The following ADGRE5 variants were observed in gnomAD, a reference collection of about 807,000 sequenced individuals.
ADGRE5 encodes the protein CD97 molecule.
ADGRE5 carries 72 observed loss-of-function variants against 100.3 expected under a neutral mutation model. That is an observed-to-expected ratio of 0.72 (90% confidence interval 0.59 to 0.87). The LOEUF (loss-of-function observed/expected upper bound fraction) is 0.87, where lower values mean the gene tolerates loss of function less well. Ranked by LOEUF, ADGRE5 falls within the 40% of genes least tolerant of loss-of-function variation. The probability of loss-of-function intolerance (pLI) is 0.00; values close to 1 mark genes in which losing one functional copy is unlikely to be tolerated. For synonymous variants in ADGRE5, 439 were observed against 447.8 expected, an observed-to-expected ratio of 0.98 and a Z score of 0.25; for missense variants, 959 against 1,094.7, an observed-to-expected ratio of 0.88 and a Z score of 1.75.
chr19:14,389,307 A>G (rs1206839788), intron 3 of ADGRE5, among the ~76,000 whole-genome samples: 1 of 556 alleles, frequency 1.8e-3, no homozygotes, highest in Non-Finnish European at 3.5e-3. Context: ...GGGAAGGGGG[A>G]AGGGGAGGGG....
At chr19:14,403,953 T>C (rs1418522392) in intron 12 of ADGRE5, among the ~76,000 whole-genome samples, 1 of 140,800 alleles carries the variant, frequency 7.1e-6, no homozygotes, top group South Asian at 2.4e-4. Context: ...CTCGGCTCAG[T>C]GCAACCTCCA....
At chr19:14,390,231 A>G (rs1975552180) in intron 3 of ADGRE5, among the ~76,000 whole-genome samples, 1 of 151,712 alleles carries the variant, frequency 6.6e-6, no homozygotes, top group Non-Finnish European at 1.5e-5. Context: ...CTTCCTGGAG[A>G]GAGAGAAGCT....
Position 14,406,267 on chromosome 19 carries a change from G to A in ADGRE5, c.1822-64G>A. 1.5e-6 allele frequency: 2 copies of A among 1,296,694 alleles called. No individual in the cohort carries two copies. Among genetic ancestry groups the A allele is most frequent in the Non-Finnish European group, 2.1e-6 (2 of 947,898 alleles). The allele number at this position is 1,296,694 out of a possible 1,614,324, so 80.3% of individuals were successfully genotyped here. ...ACTCTCGGGACCTGGCAGGCGACTG[G>A]CTCTGGCGCCGCATGCCCCTCCCCG... On this transcript the variant is annotated intron_variant, in intron 14 of 19. Transcript: ENST00000242786. The surrounding 1 kb of genome is among the most constrained non-coding windows in gnomAD (Gnocchi z 6.0).
chr19:14,388,613 A>T, intron 2 of ADGRE5, 89 bp from the exon 3 acceptor site: 1 of 1,608,754 alleles, frequency 6.2e-7, no homozygotes, highest in Non-Finnish European at 8.5e-7. Flanking sequence ...CGCACGAGAA[A>T]CTCAGCGCCC....
intron 9 of ADGRE5, among the ~76,000 whole-genome samples, chr19:14,398,674 CAA>C (rs71164256): frequency 7.5e-5 from 4 of 53,094 alleles, no homozygotes; most frequent in African/African-American, 1.7e-4. Context: ...GACTCTGTCT[CAA>C]AAAAAAAAAA....
chr19:14,406,445 C>T lies in ADGRE5; in HGVS notation c.1936C>T (p.Gln646Ter). 2.5e-6 allele frequency: 4 copies of T among 1,583,072 alleles called. No individual in the cohort carries two copies. Among genetic ancestry groups the T allele is most frequent in the Non-Finnish European group, 2.6e-6 (3 of 1,164,850 alleles). ...CTACTTTCTTGTGGTGCGCGTGTTCCAAGGCCAGGGCCTGAGTACGCGCTG... is the reference window on the plus strand; with the variant it reads ...CTACTTTCTTGTGGTGCGCGTGTTCTAAGGCCAGGGCCTGAGTACGCGCTG... ...ELYFLVVRVF[Q>*]GQGLSTRWLC... Residue 646 changes from glutamine (Q) to a stop codon, truncating the protein, a stop_gained, in exon 15 of 20, where the codon CAA becomes TAA. Transcript: ENST00000242786. LOFTEE classifies it high-confidence loss of function. The surrounding 1 kb of genome is among the most constrained non-coding windows in gnomAD (Gnocchi z 6.0).
chr19:14,396,073 AGGCTGGGACACAGAT>A (rs977823535), intron 4 of ADGRE5, among the ~76,000 whole-genome samples: 4 of 152,190 alleles, frequency 2.6e-5, no homozygotes, highest in African/African-American at 7.2e-5. Flanking sequence ...CGGAATCCTT[AGGCTGGGACACAGAT>A]GGCTGGGACA....
chr19:14,401,822 C>T lies in ADGRE5; in HGVS notation c.1183+62C>T. On this transcript the variant is annotated intron_variant, in intron 11 of 19. Coordinates refer to ENST00000242786, the MANE Select transcript of ADGRE5 (RefSeq NM_078481.4). This position sits in a 1 kb window ranked among gnomAD's most constrained non-coding sequence, Gnocchi z 4.1. ...AGAGATGGAGGTGCTGGGATGGGGCCAGGGTGAGGTTCAGAATAGAACAAC... is the reference window on the plus strand; with the variant it reads ...AGAGATGGAGGTGCTGGGATGGGGCTAGGGTGAGGTTCAGAATAGAACAAC... 1 of 1,175,946 alleles carries T rather than the reference C, an allele frequency of 8.5e-7. No individual in the cohort carries two copies. Among genetic ancestry groups the T allele is most frequent in the Non-Finnish European group, 1.2e-6 (1 of 837,130 alleles). The allele number at this position is 1,175,946 out of a possible 1,614,324, so 72.8% of individuals were successfully genotyped here. A position where few individuals can be genotyped will look rare whatever the true frequency, so the allele number is the denominator to read the frequency against.
Position 14,401,820 on chromosome 19 carries a change from GC to G in ADGRE5, c.1183+62del. ...AGAGAGATGGAGGTGCTGGGATGGGGCCAGGGTGAGGTTCAGAATAGAACAA... is the reference window on the plus strand; with the variant it reads ...AGAGAGATGGAGGTGCTGGGATGGGGCAGGGTGAGGTTCAGAATAGAACAA... On this transcript the variant is annotated intron_variant, in intron 11 of 19. Transcript: ENST00000242786. The surrounding 1 kb of genome is among the most constrained non-coding windows in gnomAD (Gnocchi z 4.1). The G allele has an allele frequency of 8.3e-7, 1 of 1,197,630 alleles. No homozygotes were observed. The highest frequency in any genetic ancestry group is 1.2e-6 in the Non-Finnish European group (1 of 856,204). 74.2% of individuals were successfully genotyped at this position (1,197,630 alleles called of 1,614,324 possible).
intron 9 of ADGRE5, among the ~76,000 whole-genome samples, chr19:14,398,741 A>G (rs1248734884): frequency 6.8e-6 from 1 of 148,012 alleles, no homozygotes; most frequent in East Asian, 2.0e-4. Flanking sequence ...CCCCATTGCC[A>G]CTTCTTGCTC....
At chr19:14,405,475 A>C in intron 13 of ADGRE5, 5 of 410,356 alleles carry the variant, frequency 1.2e-5, no homozygotes, top group Non-Finnish European at 8.7e-6. Flanking sequence ...TGACTTCAGT[A>C]GGATCCATCG....
Position 14,406,559 on chromosome 19 carries a change from T to G in ADGRE5, c.2048+2T>G, listed in dbSNP as rs1412241329. ...CAAGGGCTACGGCCGCCCCAGATAGTGAGTGCAGCGAGATGGGGCAGGAGG... is the reference window on the plus strand; with the variant it reads ...CAAGGGCTACGGCCGCCCCAGATAGGGAGTGCAGCGAGATGGGGCAGGAGG... On this transcript the variant is annotated splice_donor_variant, in intron 15 of 19. Coordinates refer to ENST00000242786, the MANE Select transcript of ADGRE5 (RefSeq NM_078481.4). LOFTEE classifies it high-confidence loss of function. The surrounding 1 kb of genome is among the most constrained non-coding windows in gnomAD (Gnocchi z 6.0). The G allele has an allele frequency of 1.9e-6, 3 of 1,597,878 alleles. No homozygotes were observed. Among genetic ancestry groups the G allele is most frequent in the African/African-American group, 2.7e-5 (2 of 74,642 alleles).
At chr19:14,385,159 T>C (rs545795775) in intron 1 of ADGRE5, among the ~76,000 whole-genome samples, 1 of 151,498 alleles carries the variant, frequency 6.6e-6, no homozygotes, top group East Asian at 1.9e-4. Context: ...TACAGGCGTG[T>C]GCCACCATGC....
At chr19:14,405,026 G>A (rs908884870) in intron 13 of ADGRE5, 5 of 162,384 alleles carry the variant, frequency 3.1e-5, no homozygotes, top group African/African-American at 1.2e-4. Context: ...GGTATTTTTA[G>A]TAGAGACAGG....
chr19:14,408,674 G>A lies in ADGRE5; in HGVS notation c.*553G>A, dbSNP rs774889986. The stretch of plus-strand genomic sequence containing the variant: ...GACGTTGTGTAATGTGTTTTTATCT[G>A]TTAAAATTTTTCAGTGTTGACACTT... On this transcript the variant is annotated 3_prime_UTR_variant, in exon 20 of 20. Coordinates refer to ENST00000242786, the MANE Select transcript of ADGRE5 (RefSeq NM_078481.4). 5 of 534,226 alleles carry A rather than the reference G, an allele frequency of 9.4e-6. No homozygotes were observed. The highest frequency in any genetic ancestry group is 5.7e-5 in the African/African-American group (3 of 52,484). 33.1% of individuals were successfully genotyped at this position (534,226 alleles called of 1,614,324 possible).
At chr19:14,396,229 G>A in intron 4 of ADGRE5, 113 bp from the exon 5 acceptor site, 1 of 1,595,836 alleles carries the variant, frequency 6.3e-7, no homozygotes, top group Non-Finnish European at 8.6e-7. Context: ...TTGGAAAAGG[G>A]AGGAGACAGT....
rs1295912551 is a variant in ADGRE5 at position 14,408,209 on chromosome 19, T to C, written c.*88T>C. On this transcript the variant is annotated 3_prime_UTR_variant, in exon 20 of 20. Transcript: ENST00000242786. Reference sequence around the variant, plus strand: ...CATCCATCCTCCCTTCGTCCACCACTCTACTCCCTCCACCCTCCCTCCCTG... The same window carrying C: ...CATCCATCCTCCCTTCGTCCACCACCCTACTCCCTCCACCCTCCCTCCCTG... 3.6e-6 allele frequency: 5 copies of C among 1,400,382 alleles called. No homozygotes were observed. The highest frequency in any genetic ancestry group is 5.0e-6 in the Non-Finnish European group (5 of 1,001,722). 86.7% of individuals were successfully genotyped at this position (1,400,382 alleles called of 1,614,324 possible). A position where few individuals can be genotyped will look rare whatever the true frequency, so the allele number is the denominator to read the frequency against.
rs776974784 is a variant in ADGRE5, at chr19:14,397,097, G to A, written c.499G>A (p.Gly167Arg). Reference sequence around the variant, plus strand: ...CTCAGATGTGAATGAATGCACCTCCGGACAAAACCCGTGCCACAGCTCCAC... The same window carrying A: ...CTCAGATGTGAATGAATGCACCTCCAGACAAAACCCGTGCCACAGCTCCAC... ...VCTDVNECTS[G>R]QNPCHSSTHC... The change falls in exon 6 of 20, where the codon GGA becomes AGA. Residue 167 changes from glycine (G) to arginine (R), a missense_variant. By Grantham distance (125) the Gly-to-Arg change is moderately radical. This residue lies in a region of ADGRE5 where 83 missense variants were observed against 88.8 expected (regional missense o/e 0.93). Transcript: ENST00000242786. 1.5e-5 allele frequency: 25 copies of A among 1,613,918 alleles called. No homozygotes were observed. The highest frequency in any genetic ancestry group is 6.6e-5 in the South Asian group (6 of 91,076).
chr19:14,401,792 G>A lies in ADGRE5; in HGVS notation c.1183+32G>A. On this transcript the variant is annotated intron_variant, in intron 11 of 19. Transcript: ENST00000242786. This position sits in a 1 kb window ranked among gnomAD's most constrained non-coding sequence, Gnocchi z 4.1. ...GCGGTGGTCTGGAGGGGGAGCCCGT[G>A]GGAGAGAGATGGAGGTGCTGGGATG... is the stretch of plus-strand genomic sequence containing the variant. 7.0e-7 allele frequency: 1 copy of A among 1,434,356 alleles called. No individual in the cohort carries two copies. The highest frequency in any genetic ancestry group is 9.4e-7 in the Non-Finnish European group (1 of 1,058,582). 88.9% of individuals were successfully genotyped at this position (1,434,356 alleles called of 1,614,324 possible).
Sources: gnomAD v4.1 joint callset for allele counts (sites outside exome capture counted in the v4.1 genomes callset) on GRCh38, gnomAD v4.1.1 for gene constraint, gnomAD v4.1.1 regional missense constraint, Gnocchi (gnomAD v3.1) non-coding constraint, MANE v1.5 for transcripts, NCBI Gene and HGNC (gene_info 2026-07-23, HGNC 2026-07-21) for gene names.